ZNF736: variants seen among roughly 807,000 people sequenced by gnomAD.
ZNF736 encodes KRAB-containing zinc-finger repressor protein.
ZNF736 carries 6 observed loss-of-function variants against 11.7 expected under a neutral mutation model. The ratio of observed to expected loss-of-function variants is 0.51; its 90% CI spans 0.28 to 1.01. The LOEUF (loss-of-function observed/expected upper bound fraction) is 1.01. Among genes scored for constraint, ZNF736 ranks in the 50% least tolerant of loss-of-function variants. The pLI, the probability that ZNF736 is intolerant of heterozygous loss-of-function variation, is 0.09. For synonymous variants in ZNF736, 139 were observed against 164.7 expected, an observed-to-expected ratio of 0.84 and a Z score of 1.19; for missense variants, 444 against 496.0, an observed-to-expected ratio of 0.90 and a Z score of 1.00.
intron 3 of ZNF736, among the ~76,000 whole-genome samples, chr7:64,346,233 A>G (rs1789408030): frequency 6.6e-6 from 1 of 152,182 alleles, no homozygotes. Flanking sequence ...AGTAAATTAT[A>G]TGAAATATGA....
At chr7:64,347,989 G>T in intron 3 of ZNF736, 101 bp from the exon 4 acceptor site, 1 of 1,014,030 alleles carries the variant, frequency 9.9e-7, no homozygotes. Flanking sequence ...TAGAGCCTGT[G>T]GTATTTTATT....
intron 1 of ZNF736, among the ~76,000 whole-genome samples, chr7:64,332,710 A>G (rs1341165180): frequency 1.3e-5 from 2 of 152,118 alleles, no homozygotes; most frequent in Non-Finnish European, 1.5e-5. Flanking sequence ...AGACACTCCC[A>G]GAGCTGCCGT....
rs1374247265 is a variant in ZNF736, at chr7:64,345,698, C to T, written c.227-2392C>T. On this transcript the variant is annotated intron_variant, in intron 3 of 3. Coordinates refer to ENST00000423484, the MANE Select transcript of ZNF736 (RefSeq NM_001170905.3). Reference sequence around the variant, plus strand: ...GCAGTGAGCCGAGATCGTGCCACTGCACTCCAGCCTGGTGACAGAGCAATA... The same window carrying T: ...GCAGTGAGCCGAGATCGTGCCACTGTACTCCAGCCTGGTGACAGAGCAATA... Among the ~76,000 whole-genome samples, 7 of 144,170 alleles carry T rather than the reference C, an allele frequency of 4.9e-5. No homozygotes were observed. The South Asian group carries it at 1.1e-3, about 22-fold the overall frequency. 94.6% of individuals were successfully genotyped at this position (144,170 alleles called of 152,430 possible). A position where few individuals can be genotyped will look rare whatever the true frequency, so the allele number is the denominator to read the frequency against.
chr7:64,320,577 G>A (rs1388487605), intron 1 of ZNF736, among the ~76,000 whole-genome samples: 2 of 151,898 alleles, frequency 1.3e-5, no homozygotes, highest in African/African-American at 4.8e-5. Context: ...TAATTCTCTG[G>A]ATGTTAACAT....
rs1053921920 is a variant in ZNF736 at position 64,348,440 on chromosome 7, A to C, written c.577A>C (p.Lys193Gln). Reference protein sequence around the residue: ...RLFSDFTRHKKIHTVERCYKC... With the variant: ...RLFSDFTRHKQIHTVERCYKC... Reference sequence around the variant, plus strand: ...GTTCTCAGATTTTACTAGACATAAGAAAATTCATACTGTAGAGAGATGCTA... The same window carrying C: ...GTTCTCAGATTTTACTAGACATAAGCAAATTCATACTGTAGAGAGATGCTA... The change falls in exon 4 of 4, where the codon AAA (lysine) becomes CAA (glutamine). Residue 193 changes from lysine (K) to glutamine (Q), a missense_variant. Transcript: ENST00000423484. 1 of 1,549,086 alleles carries C rather than the reference A, an allele frequency of 6.5e-7. No homozygotes were observed. Among genetic ancestry groups the C allele is most frequent in the African/African-American group, 1.4e-5 (1 of 72,984 alleles).
At chr7:64,318,747 C>T (rs1322415373) in intron 1 of ZNF736, among the ~76,000 whole-genome samples, 1 of 151,936 alleles carries the variant, frequency 6.6e-6, no homozygotes, top group African/African-American at 2.4e-5. Context: ...GTAGATAATA[C>T]ACAAAGACAT....
intron 1 of ZNF736, among the ~76,000 whole-genome samples, chr7:64,326,143 G>A (rs1442022776): frequency 1.3e-5 from 2 of 152,100 alleles, no homozygotes; most frequent in East Asian, 3.8e-4. Context: ...CCATTTTAGA[G>A]TGTCTCTGAA....
intron 3 of ZNF736, among the ~76,000 whole-genome samples, chr7:64,343,453 G>A (rs1789366561): frequency 6.6e-6 from 1 of 152,164 alleles, no homozygotes; most frequent in African/African-American, 2.4e-5. Context: ...AGCTACCTAT[G>A]GGGTACTGTG....
At position 64,349,198 on chromosome 7, in the gene ZNF736, A is replaced by C; in HGVS notation, c.*51A>C. ...CCTCATACTGTGTTCAACATCTGAAATTTAATACTGAACAAATGCAGTATA... is the reference window on the plus strand; with the variant it reads ...CCTCATACTGTGTTCAACATCTGAACTTTAATACTGAACAAATGCAGTATA... On this transcript the variant is annotated 3_prime_UTR_variant, in exon 4 of 4. Coordinates refer to ENST00000423484, the MANE Select transcript of ZNF736 (RefSeq NM_001170905.3). 6 of 1,362,040 alleles carry C rather than the reference A, an allele frequency of 4.4e-6. No homozygotes were observed. Among genetic ancestry groups the C allele is most frequent in the Non-Finnish European group, 5.9e-6 (6 of 1,022,266 alleles). 84.4% of individuals were successfully genotyped at this position (1,362,040 alleles called of 1,614,324 possible).
In ZNF736 at chr7:64,336,917, C is replaced by T. The variant is rs747620910; in HGVS notation, c.161C>T (p.Thr54Ile). The T allele has an allele frequency of 5.6e-6, 9 of 1,602,474 alleles. No homozygotes were observed. In the African/African-American group the frequency reaches 1.1e-4, roughly 19 times the overall value. ...GCTATCTTTAAGCCAGACTTGATGA[C>T]CTGTCTGGAGCAAAGAAAAGAGCCT... Reference protein sequence around the residue: ...GLAIFKPDLMTCLEQRKEPWK... With the variant: ...GLAIFKPDLMICLEQRKEPWK... The change falls in exon 3 of 4, where the codon ACC becomes ATC. Residue 54 changes from threonine to isoleucine, a missense_variant. Physicochemically the swap from Thr to Ile is moderately conservative, Grantham distance 89. Transcript: ENST00000423484.
At chr7:64,336,408 A>G (rs1789250702) in intron 2 of ZNF736, 23 bp downstream of exon 2, 1 of 1,559,494 alleles carries the variant, frequency 6.4e-7, no homozygotes, top group Non-Finnish European at 8.6e-7. Context: ...TCAATATACA[A>G]CTCATATTCT....
At chr7:64,321,906 T>C (rs1011500153) in intron 1 of ZNF736, among the ~76,000 whole-genome samples, 2 of 152,228 alleles carry the variant, frequency 1.3e-5, no homozygotes, top group Non-Finnish European at 2.9e-5. Context: ...ACCTAAGATA[T>C]GAACTTTGGC....
At position 64,353,836 on chromosome 7, in the gene ZNF736, T is replaced by G. The variant is rs1160290436; in HGVS notation, c.*4689T>G. The G allele has an allele frequency of 6.6e-6, 1 of 152,210 alleles. No individual in the cohort carries two copies. The highest frequency in any genetic ancestry group is 6.5e-5 in the Admixed American group (1 of 15,272). The allele number at this position is 152,210 out of a possible 1,614,324, so 9.4% of individuals were successfully genotyped here. On this transcript the variant is annotated 3_prime_UTR_variant, in exon 4 of 4. Transcript: ENST00000423484. ...CTTACCATTTGCAAATTAAGGTAATTAAAATACAGTGAATTTCAAAATGCC... is the reference window on the plus strand; with the variant it reads ...CTTACCATTTGCAAATTAAGGTAATGAAAATACAGTGAATTTCAAAATGCC...
At chr7:64,324,216 A>C (rs1789046677) in intron 1 of ZNF736, among the ~76,000 whole-genome samples, 1 of 152,142 alleles carries the variant, frequency 6.6e-6, no homozygotes, top group African/African-American at 2.4e-5. Flanking sequence ...GCCCTGGGTT[A>C]CTCAAAAGAA....
chr7:64,330,833 G>C (rs1789155075), intron 1 of ZNF736, among the ~76,000 whole-genome samples: 1 of 151,032 alleles, frequency 6.6e-6, no homozygotes, highest in South Asian at 2.1e-4. Flanking sequence ...GGTATGTCTA[G>C]AACTGTCACT....
At chr7:64,343,181 G>T (rs1789362700) in intron 3 of ZNF736, among the ~76,000 whole-genome samples, 1 of 152,120 alleles carries the variant, frequency 6.6e-6, no homozygotes, top group South Asian at 2.1e-4. Flanking sequence ...ATCAGAGGTG[G>T]ATTGGATAAA....
chr7:64,348,119 T>C lies in ZNF736; in HGVS notation c.256T>C (p.Leu86=). The C allele has an allele frequency of 6.5e-7, 1 of 1,536,574 alleles. No homozygotes were observed. Among genetic ancestry groups the C allele is most frequent in the Non-Finnish European group, 8.8e-7 (1 of 1,142,228 alleles). Residue 86 remains leucine (L), a synonymous_variant, in exon 4 of 4, where the codon TTG becomes CTG. Transcript: ENST00000423484. ...TTCTTTTCATTTTACTGCAGAGATA[T>C]TGCCGGATCATGACATAAAAGATTC... ...AGSFHFTAEI[L]PDHDIKDSFQ...
chr7:64,340,312 C>CCA (rs1431643066), intron 3 of ZNF736, among the ~76,000 whole-genome samples: 5 of 152,166 alleles, frequency 3.3e-5, no homozygotes, highest in South Asian at 4.1e-4. Context: ...ACTGCTGTAA[C>CCA]CACAAACAGG....
chr7:64,328,512 G>A (rs1789113191), intron 1 of ZNF736, among the ~76,000 whole-genome samples: 1 of 152,092 alleles, frequency 6.6e-6, no homozygotes, highest in Admixed American at 6.5e-5. Context: ...TGTAATCCCA[G>A]CACTTTGGGA....
Sources: gnomAD v4.1 joint callset for allele counts (sites outside exome capture counted in the v4.1 genomes callset) on GRCh38, gnomAD v4.1.1 for gene constraint, MANE v1.5 for transcripts, NCBI Gene and HGNC (gene_info 2026-07-23, HGNC 2026-07-21) for gene names.